The following SH3D19 variants were observed in gnomAD, a reference collection of about 807,000 sequenced individuals.
The protein encoded by SH3D19 is SH3 domain containing 19.
A neutral mutation model predicts 112.1 loss-of-function variants in SH3D19; 58 were observed. The ratio of observed to expected loss-of-function variants is 0.52; its 90% CI spans 0.42 to 0.64. SH3D19 has a LOEUF of 0.64. SH3D19 is among the 30% of genes least tolerant of loss of function. SH3D19 has a pLI of 0.00. For missense variants in SH3D19, 1,090 were observed against 1,263.4 expected, an observed-to-expected ratio of 0.86 and a Z score of 2.08; for synonymous variants, 391 against 448.5, an observed-to-expected ratio of 0.87 and a Z score of 1.62.
chr4:151,287,926 A>C (rs2150015658), intron 1 of SH3D19, among the ~76,000 whole-genome samples: 1 of 152,320 alleles, frequency 6.6e-6, no homozygotes, highest in East Asian at 1.9e-4. Context: ...ATATACCATA[A>C]ACAACTGGGA....
chr4:151,186,040 G>A (rs572201550), intron 3 of SH3D19, among the ~76,000 whole-genome samples: 5 of 150,336 alleles, frequency 3.3e-5, no homozygotes, highest in South Asian at 4.2e-4. Context: ...ACCATGTATC[G>A]GGGGGGAAAA....
chr4:151,212,951 C>T (rs1766207011), intron 2 of SH3D19, among the ~76,000 whole-genome samples: 1 of 152,156 alleles, frequency 6.6e-6, no homozygotes, highest in Non-Finnish European at 1.5e-5. Context: ...CGATTCCAAC[C>T]CCCATGGATG....
At chr4:151,288,200 C>A (rs114259689) in intron 1 of SH3D19, among the ~76,000 whole-genome samples, 325 of 152,172 alleles carry the variant, frequency 2.1e-3, no homozygotes, top group African/African-American at 7.4e-3. Context: ...TATGCTTTTG[C>A]CATAAGGTCA....
At chr4:151,291,089 A>C in intron 1 of SH3D19, 1 of 1,531,826 alleles carries the variant, frequency 6.5e-7, no homozygotes, top group African/African-American at 1.4e-5. Context: ...TCTTTTCACT[A>C]TGCTCATTAC....
chr4:151,191,972 G>C (rs1762737004), intron 2 of SH3D19, among the ~76,000 whole-genome samples: 1 of 106,262 alleles, frequency 9.4e-6, no homozygotes, highest in South Asian at 3.2e-4. Flanking sequence ...TTGATACAGA[G>C]TCTTGCTCTG....
intron 17 of SH3D19, among the ~76,000 whole-genome samples, chr4:151,129,325 G>A (rs548126242): frequency 1.3e-5 from 2 of 152,230 alleles, no homozygotes; most frequent in South Asian, 4.2e-4. Flanking sequence ...ATTTGGGATG[G>A]GAACCCTATG....
intron 7 of SH3D19, among the ~76,000 whole-genome samples, chr4:151,174,253 C>T (rs1278162431): frequency 6.6e-6 from 1 of 152,194 alleles, no homozygotes; most frequent in Non-Finnish European, 1.5e-5. Flanking sequence ...GAGAAGCTTC[C>T]TCTGCATCCT....
intron 19 of SH3D19, among the ~76,000 whole-genome samples, chr4:151,125,492 C>CAAAA (rs112707542): frequency 1.7e-5 from 2 of 119,964 alleles, no homozygotes; most frequent in African/African-American, 7.3e-5. Flanking sequence ...AAAACAAAAC[C>CAAAA]AAAAAAAAAA....
In SH3D19 at chr4:151,174,717, G is replaced by A. The variant is rs769225831; in HGVS notation, c.1487C>T (p.Pro496Leu). The change falls in exon 7 of 20, where the codon CCA becomes CTA. Residue 496 changes from proline to leucine, a missense_variant. Coordinates refer to ENST00000604030, the MANE Select transcript of SH3D19 (RefSeq NM_001378122.1). ...ISFDDDVLPTPSGNLAEESVG... is the reference protein window; with the variant it reads ...ISFDDDVLPTLSGNLAEESVG... The stretch of plus-strand genomic sequence containing the variant: ...AGATTCTTCAGCCAGGTTCCCCGAT[G>A]GGGTGGGCAAAACATCATCATCAAA... The A allele has an allele frequency of 7.9e-6, 12 of 1,514,720 alleles. No individual in the cohort carries two copies. Among genetic ancestry groups the A allele is most frequent in the Non-Finnish European group, 1.1e-5 (12 of 1,133,506 alleles). The allele number at this position is 1,514,720 out of a possible 1,614,324, so 93.8% of individuals were successfully genotyped here. A position where few individuals can be genotyped will look rare whatever the true frequency, so the allele number is the denominator to read the frequency against.
Position 151,325,224 on chromosome 4 carries a change from T to C in SH3D19, c.112+17A>G. 1 of 1,206,180 alleles carries C rather than the reference T, an allele frequency of 8.3e-7. No individual in the cohort carries two copies. Among genetic ancestry groups the C allele is most frequent in the Non-Finnish European group, 1.0e-6 (1 of 967,916 alleles). The allele number at this position is 1,206,180 out of a possible 1,614,324, so 74.7% of individuals were successfully genotyped here. A position where few individuals can be genotyped will look rare whatever the true frequency, so the allele number is the denominator to read the frequency against. On this transcript the variant is annotated intron_variant, in intron 1 of 19. Coordinates refer to ENST00000604030, the MANE Select transcript of SH3D19 (RefSeq NM_001378122.1). ...GCAGCTCTGGGTCCCCGCCGCCCCG[T>C]CCCCCGCGCCTCTCACCTGCGGCCG...
At chr4:151,246,394 T>C (rs1662776459) in intron 1 of SH3D19, among the ~76,000 whole-genome samples, 1 of 152,208 alleles carries the variant, frequency 6.6e-6, no homozygotes, top group Non-Finnish European at 1.5e-5. Context: ...GCAATGATGA[T>C]GTTCAAAGCT....
At chr4:151,285,314 A>T (rs183172468) in intron 1 of SH3D19, among the ~76,000 whole-genome samples, 1 of 152,344 alleles carries the variant, frequency 6.6e-6, no homozygotes, top group Non-Finnish European at 1.5e-5. Flanking sequence ...TTTCCTCTTA[A>T]GTGCCCATGG....
In SH3D19 at chr4:151,147,998, C is replaced by T. The variant is rs950776762; in HGVS notation, c.2006G>A (p.Ser669Asn). Residue 669 changes from serine to asparagine, a missense_variant, in exon 11 of 20, where the codon AGT becomes AAT. Transcript: ENST00000604030. ...NLATGLSKAK[S>N]QVFKNQDPVL... is the part of the protein sequence containing the mutation. Reference sequence around the variant, plus strand: ...CGGATCTTGATTTTTAAAAACTTGACTCTTGGCTTTTGAGAGTCCAGTTGC... The same window carrying T: ...CGGATCTTGATTTTTAAAAACTTGATTCTTGGCTTTTGAGAGTCCAGTTGC... The T allele has an allele frequency of 6.2e-7, 1 of 1,614,178 alleles. No homozygotes were observed. Among genetic ancestry groups the T allele is most frequent in the Non-Finnish European group, 8.5e-7 (1 of 1,180,034 alleles).
At chr4:151,150,656 AGAAAAGAG>A (rs1754893234) in intron 9 of SH3D19, among the ~76,000 whole-genome samples, 1 of 152,144 alleles carries the variant, frequency 6.6e-6, no homozygotes, top group African/African-American at 2.4e-5. Context: ...AGAGTTTCGT[AGAAAAGAG>A]GAAAAGAGTG....
At chr4:151,292,814 G>A (rs1164351833) in intron 1 of SH3D19, among the ~76,000 whole-genome samples, 1 of 152,172 alleles carries the variant, frequency 6.6e-6, no homozygotes, top group Non-Finnish European at 1.5e-5. Context: ...CTTAAAGTAA[G>A]TACATTTTGG....
Position 151,127,625 on chromosome 4 carries a change from GA to G in SH3D19, c.3019del (p.Ser1007ProfsTer7). On this transcript the variant is annotated frameshift_variant, in exon 19 of 20. Coordinates refer to ENST00000604030, the MANE Select transcript of SH3D19 (RefSeq NM_001378122.1). LOFTEE classifies it high-confidence loss of function. ...AGAGATACACATTCTGACCTTGAAG[GA>G]AAGTTCATCTTCATTCTCCCCTCGG... Reference protein sequence around the residue: ...DFRGENEDELSFKAGDIITEL... With the variant: ...DFRGENEDELXFKAGDIITEL... The G allele has an allele frequency of 6.3e-7, 1 of 1,593,410 alleles. No homozygotes were observed. Among genetic ancestry groups the G allele is most frequent in the South Asian group, 1.1e-5 (1 of 87,612 alleles).
At chr4:151,253,172 C>A (rs1477883801) in intron 1 of SH3D19, among the ~76,000 whole-genome samples, 1 of 152,224 alleles carries the variant, frequency 6.6e-6, no homozygotes, top group African/African-American at 2.4e-5. Flanking sequence ...GGCCTCCAAT[C>A]CCTGTGTGAC....
At chr4:151,295,712 A>G (rs759523085) in intron 1 of SH3D19, among the ~76,000 whole-genome samples, 4 of 152,214 alleles carry the variant, frequency 2.6e-5, no homozygotes, top group Non-Finnish European at 4.4e-5. Context: ...GAGGCAGTGA[A>G]TATCTAAAAA....
chr4:151,284,722 T>C (rs1774575852), intron 1 of SH3D19, among the ~76,000 whole-genome samples: 1 of 152,250 alleles, frequency 6.6e-6, no homozygotes, highest in Admixed American at 6.5e-5. Context: ...GAGTACAGAT[T>C]GTTATGCTTC....
Sources: gnomAD v4.1 joint callset for allele counts (sites outside exome capture counted in the v4.1 genomes callset) on GRCh38, gnomAD v4.1.1 for gene constraint, MANE v1.5 for transcripts, NCBI Gene and HGNC (gene_info 2026-07-23, HGNC 2026-07-21) for gene names.